MEIKIN: variants seen among roughly 807,000 people sequenced by gnomAD.
MEIKIN encodes the protein meiosis-specific kinetochore protein.
At chr5:131,931,471 C>T (rs542276869) in intron 5 of MEIKIN, among the ~76,000 whole-genome samples, 3 of 152,318 alleles carry the variant, frequency 2.0e-5, no homozygotes, top group Non-Finnish European at 4.4e-5. Flanking sequence ...CACTCTGAGA[C>T]AGGCAAGACC....
At chr5:131,880,421 A>G (rs1454468905) in intron 8 of MEIKIN, among the ~76,000 whole-genome samples, 1 of 123,724 alleles carries the variant, frequency 8.1e-6, no homozygotes, top group Non-Finnish European at 1.7e-5. Context: ...TTTTTTTTTA[A>G]GTAGAGACGG....
rs752128200 is a variant in MEIKIN at position 131,840,903 on chromosome 5, T to C, written c.975+10361A>G. On this transcript the variant is annotated intron_variant, in intron 11 of 12. Transcript: ENST00000442687. ...GCTTTGTGGAGAGGTAGTGCTATCG[T>C]TTGGAGGAATAAAGGCACTCTGGCT... 9.7e-4 allele frequency among the ~76,000 whole-genome samples: 148 copies of C among 152,204 alleles called. 2 individuals carry two copies. Among genetic ancestry groups the C allele is most frequent in the Non-Finnish European group, 2.9e-4 (20 of 68,030 alleles).
In MEIKIN at chr5:131,818,734, C is replaced by T; in HGVS notation, c.1099+6G>A. On this transcript the variant is annotated splice_donor_region_variant and intron_variant, in intron 12 of 12. Coordinates refer to ENST00000442687, the MANE Select transcript of MEIKIN (RefSeq NM_001303622.2). Reference sequence around the variant, plus strand: ...AAAAGTATGCTCTGCATTCATACTACAGTACCTTGAGGGGTATCCTTAGGA... The same window carrying T: ...AAAAGTATGCTCTGCATTCATACTATAGTACCTTGAGGGGTATCCTTAGGA... 1 of 397,766 alleles carries T rather than the reference C, an allele frequency of 2.5e-6. No homozygotes were observed. The highest frequency in any genetic ancestry group is 4.4e-6 in the Non-Finnish European group (1 of 225,564). The allele number at this position is 397,766 out of a possible 1,614,324, so 24.6% of individuals were successfully genotyped here. A position where few individuals can be genotyped will look rare whatever the true frequency, so the allele number is the denominator to read the frequency against.
At chr5:131,901,913 G>C (rs1251402447) in intron 8 of MEIKIN, among the ~76,000 whole-genome samples, 2 of 152,166 alleles carry the variant, frequency 1.3e-5, no homozygotes. Flanking sequence ...TTTAGAAGTG[G>C]GTCCAATGTT....
intron 5 of MEIKIN, among the ~76,000 whole-genome samples, chr5:131,931,899 C>A (rs1726807652): frequency 6.6e-6 from 1 of 152,074 alleles, no homozygotes; most frequent in African/African-American, 2.4e-5. Context: ...TGATCCTTGG[C>A]TCTCTGTTCA....
In MEIKIN at chr5:131,891,847, A is replaced by C. The variant is rs143024728; in HGVS notation, c.704-12799T>G. On this transcript the variant is annotated intron_variant, in intron 8 of 12. Transcript: ENST00000442687. ...ACAATTTGGCATGTTTTTGCAGTGG[A>C]TGGTACCGGTTGTTCTTTTCCGTGT... is the stretch of plus-strand genomic sequence containing the variant. 3.7e-3 allele frequency among the ~76,000 whole-genome samples: 569 copies of C among 152,188 alleles called. 4 individuals carry two copies. The highest frequency in any genetic ancestry group is 0.013 in the African/African-American group (539 of 41,526).
At chr5:131,936,768 G>A (rs544569913) in intron 4 of MEIKIN, among the ~76,000 whole-genome samples, 30 of 151,758 alleles carry the variant, frequency 2.0e-4, no homozygotes, top group Non-Finnish European at 1.8e-4. Context: ...CTACTTTTTC[G>A]TACTTTTAGT....
At chr5:131,862,099 A>G (rs1440809173) in intron 9 of MEIKIN, among the ~76,000 whole-genome samples, 3 of 151,996 alleles carry the variant, frequency 2.0e-5, no homozygotes, top group Non-Finnish European at 4.4e-5. Context: ...CTTTATTGGG[A>G]GACTTTTTAT....
chr5:131,945,116 G>C, intron 2 of MEIKIN, 40 bp downstream of exon 2: 1 of 399,130 alleles, frequency 2.5e-6, no homozygotes. Context: ...GTTTTCTGAG[G>C]TGGCAAGCTA....
At chr5:131,827,749 A>C (rs1011185458) in intron 11 of MEIKIN, among the ~76,000 whole-genome samples, 2 of 152,242 alleles carry the variant, frequency 1.3e-5, no homozygotes, top group African/African-American at 4.8e-5. Flanking sequence ...CTATAGGAAG[A>C]AAGTAATAAA....
At chr5:131,871,893 G>A (rs1425403819) in intron 9 of MEIKIN, among the ~76,000 whole-genome samples, 2 of 152,172 alleles carry the variant, frequency 1.3e-5, no homozygotes, top group Non-Finnish European at 2.9e-5. Flanking sequence ...AACAGGGTCT[G>A]GAGTGGACCT....
chr5:131,924,488 C>G (rs757664327), intron 5 of MEIKIN, among the ~76,000 whole-genome samples: 5 of 152,018 alleles, frequency 3.3e-5, no homozygotes, highest in Non-Finnish European at 7.4e-5. Context: ...CATTTGTTAT[C>G]TTTTGTTTTT....
chr5:131,930,347 T>C (rs1006821490), intron 5 of MEIKIN, among the ~76,000 whole-genome samples: 16 of 152,250 alleles, frequency 1.1e-4, no homozygotes, highest in Non-Finnish European at 2.4e-4. Flanking sequence ...GATCGTTTTT[T>C]TGCTTGCTGA....
intron 11 of MEIKIN, among the ~76,000 whole-genome samples, chr5:131,835,325 C>T (rs1484789767): frequency 6.6e-6 from 1 of 151,948 alleles, no homozygotes; most frequent in African/African-American, 2.4e-5. Context: ...GGTGTGTATT[C>T]ATCACGTTGT....
chr5:131,814,181 C>T (rs1014351832), intron 12 of MEIKIN, among the ~76,000 whole-genome samples: 1 of 152,002 alleles, frequency 6.6e-6, no homozygotes, highest in Non-Finnish European at 1.5e-5. Context: ...CAGACACACA[C>T]AGGAACAATA....
chr5:131,886,812 AT>A (rs1487551021), intron 8 of MEIKIN, among the ~76,000 whole-genome samples: 1 of 152,076 alleles, frequency 6.6e-6, no homozygotes, highest in East Asian at 1.9e-4. Context: ...TTTATTTTTT[AT>A]TTTTTTATTA....
rs527328698 is a variant in MEIKIN, at chr5:131,848,140, A to C, written c.975+3124T>G. ...GGAACTAGAAAAGAAGAACCATCTA[A>C]ACCCAAAGCTAGCAGAAGGATGGAA... is the stretch of plus-strand genomic sequence containing the variant. On this transcript the variant is annotated intron_variant, in intron 11 of 12. Coordinates refer to ENST00000442687, the MANE Select transcript of MEIKIN (RefSeq NM_001303622.2). Among the ~76,000 whole-genome samples, 7 of 152,262 alleles carry C rather than the reference A, an allele frequency of 4.6e-5. No homozygotes were observed. In the South Asian group the frequency reaches 1.5e-3, roughly 32 times the overall value.
At chr5:131,906,289 G>C (rs1355666686) in intron 8 of MEIKIN, among the ~76,000 whole-genome samples, 2 of 152,130 alleles carry the variant, frequency 1.3e-5, no homozygotes, top group African/African-American at 4.8e-5. Context: ...CTAATCATTA[G>C]AGAAATGCAA....
intron 11 of MEIKIN, among the ~76,000 whole-genome samples, chr5:131,848,053 A>C (rs1481811796): frequency 6.6e-6 from 1 of 152,158 alleles, no homozygotes. Flanking sequence ...ATTTATGGCT[A>C]TAAATGCTTA....
Sources: allele counts gnomAD v4.1 joint callset (sites outside exome capture counted in the v4.1 genomes callset), GRCh38; gene constraint gnomAD v4.1.1; transcripts MANE v1.5; gene names NCBI Gene and HGNC (gene_info 2026-07-23, HGNC 2026-07-21).